Variants in SPPL3 observed in about 807,000 individuals in gnomAD.
SPPL3 encodes the protein signal peptide peptidase like 3.
A neutral mutation model predicts 42.4 loss-of-function variants in SPPL3; 5 were observed. The ratio of observed to expected loss-of-function variants is 0.12; its 90% CI spans 0.06 to 0.25. The LOEUF (loss-of-function observed/expected upper bound fraction) is 0.25. Among genes scored for constraint, SPPL3 ranks in the 10% least tolerant of loss-of-function variants. The pLI is 1.00. For missense variants in SPPL3, 235 were observed against 489.0 expected (o/e 0.48, Z 4.90); for synonymous variants, 195 against 181.8 (o/e 1.07, Z -0.58).
chr12:120,807,847 CATAAAACAGAAG>C (rs1870550790), intron 2 of SPPL3, among the ~76,000 whole-genome samples: 2 of 152,090 alleles, frequency 1.3e-5, no homozygotes, highest in African/African-American at 2.4e-5. Flanking sequence ...AAATCTCTTC[CATAAAACAGAAG>C]AGGAAAAAAC....
intron 1 of SPPL3, among the ~76,000 whole-genome samples, chr12:120,817,003 G>C (rs1047312644): frequency 6.6e-6 from 1 of 151,988 alleles, no homozygotes; most frequent in African/African-American, 2.4e-5. Context: ...AAGGGTCTAG[G>C]TTTTGGCTGG....
intron 1 of SPPL3, among the ~76,000 whole-genome samples, chr12:120,853,861 A>G (rs1872343877): frequency 6.6e-6 from 1 of 152,142 alleles, no homozygotes; most frequent in African/African-American, 2.4e-5. Flanking sequence ...CAGAAAAACT[A>G]CTGAATATAT....
intron 1 of SPPL3, among the ~76,000 whole-genome samples, chr12:120,898,853 T>C (rs1873887799): frequency 6.6e-6 from 1 of 152,222 alleles, no homozygotes; most frequent in African/African-American, 2.4e-5. Flanking sequence ...CAAGTTATTA[T>C]GATAGTATTT....
chr12:120,865,002 T>A (rs1436682236), intron 1 of SPPL3, among the ~76,000 whole-genome samples: 2 of 152,172 alleles, frequency 1.3e-5, no homozygotes, highest in East Asian at 3.8e-4. Context: ...GTACCATCAA[T>A]ACAAATGTTA....
At chr12:120,809,871 T>C (rs534858057) in intron 2 of SPPL3, among the ~76,000 whole-genome samples, 40 of 152,352 alleles carry the variant, frequency 2.6e-4, no homozygotes, top group African/African-American at 8.4e-4. Context: ...CAATTTTGTA[T>C]GGCTCAACCT....
chr12:120,873,406 A>G (rs1872987913), intron 1 of SPPL3, among the ~76,000 whole-genome samples: 1 of 152,214 alleles, frequency 6.6e-6, no homozygotes, highest in Non-Finnish European at 1.5e-5. Context: ...TGCAAATTTC[A>G]TAATATAATG....
intron 1 of SPPL3, among the ~76,000 whole-genome samples, chr12:120,858,534 G>C (rs1291695352): frequency 2.0e-5 from 3 of 150,466 alleles, no homozygotes; most frequent in Admixed American, 2.0e-4. Flanking sequence ...CAACTCAAAA[G>C]GGGTGATAAA....
intron 3 of SPPL3, among the ~76,000 whole-genome samples, chr12:120,788,655 C>G (rs757228439): frequency 6.6e-6 from 1 of 152,224 alleles, no homozygotes; most frequent in African/African-American, 2.4e-5. Flanking sequence ...TACAACTTCT[C>G]CTGCTCTCCT....
At chr12:120,902,090 G>A in intron 1 of SPPL3, 1 of 194,600 alleles carries the variant, frequency 5.1e-6, no homozygotes, top group Non-Finnish European at 9.4e-6. Flanking sequence ...ACTCTGTCCA[G>A]AAGGAAGCTG....
chr12:120,775,687 T>C (rs1034076010), intron 6 of SPPL3, among the ~76,000 whole-genome samples: 1 of 152,346 alleles, frequency 6.6e-6, no homozygotes, highest in Non-Finnish European at 1.5e-5. Flanking sequence ...CCATCACCCA[T>C]AGGTCCAACT....
rs1363690046 is a variant in SPPL3 at position 120,802,409 on chromosome 12, G to GTATATA, written c.101+8399_101+8400insTATATA. Reference sequence around the variant, plus strand: ...TATATACACATATATGTGTGTGTGTGTGTGTGTATATATATATATATATTT... The same window carrying GTATATA: ...TATATACACATATATGTGTGTGTGTGTATATATGTGTGTATATATATATATATATTT... On this transcript the variant is annotated intron_variant, in intron 2 of 10. Transcript: ENST00000353487. Among the ~76,000 whole-genome samples the GTATATA allele has an allele frequency of 7.2e-5, 8 of 111,666 alleles. No homozygotes were observed. In the East Asian group the frequency reaches 7.2e-4, roughly 10 times the overall value. The allele number at this position is 111,666 out of a possible 152,430, so 73.3% of individuals were successfully genotyped here. A position where few individuals can be genotyped will look rare whatever the true frequency, so the allele number is the denominator to read the frequency against.
chr12:120,797,299 C>A (rs1460754791), intron 2 of SPPL3, among the ~76,000 whole-genome samples: 4 of 150,818 alleles, frequency 2.7e-5, no homozygotes, highest in African/African-American at 9.9e-5. Context: ...CTAGCTGCCT[C>A]TAGCCGTCTC....
At chr12:120,768,084 G>C (rs1431816972) in intron 8 of SPPL3, among the ~76,000 whole-genome samples, 1 of 152,192 alleles carries the variant, frequency 6.6e-6, no homozygotes. Context: ...ACTCTAAACA[G>C]TGGAAACAGC....
intron 1 of SPPL3, among the ~76,000 whole-genome samples, chr12:120,894,312 GA>G (rs923094209): frequency 1.3e-5 from 2 of 152,002 alleles, no homozygotes; most frequent in African/African-American, 2.4e-5. Flanking sequence ...CAACAAGACC[GA>G]AACTCCATCT....
chr12:120,775,188 T>C (rs964819910), intron 6 of SPPL3, among the ~76,000 whole-genome samples: 3 of 152,212 alleles, frequency 2.0e-5, no homozygotes, highest in African/African-American at 2.4e-5. Flanking sequence ...TCTCACTCTG[T>C]TGCCCAGGTT....
chr12:120,893,716 T>A (rs999356094), intron 1 of SPPL3, among the ~76,000 whole-genome samples: 1 of 152,174 alleles, frequency 6.6e-6, no homozygotes, highest in Admixed American at 6.5e-5. Context: ...AATTCTCTTA[T>A]GCCTTTTCAT....
At chr12:120,902,615 T>C (rs554585708) in intron 1 of SPPL3, among the ~76,000 whole-genome samples, 5 of 152,278 alleles carry the variant, frequency 3.3e-5, no homozygotes, top group South Asian at 2.1e-4. Flanking sequence ...ACAAAGCAAG[T>C]TGGTGGCAAA....
chr12:120,840,071 G>T (rs493811), intron 1 of SPPL3, among the ~76,000 whole-genome samples: 43,247 of 151,578 alleles, frequency 0.29, 7,588 homozygotes, highest in Non-Finnish European at 0.4. Context: ...ACGAGGTCAG[G>T]AGTTCAAGAC....
rs750890379 is a variant in SPPL3 at position 120,815,812 on chromosome 12, C to T, written c.24-4926G>A. ...TGCGATCTCGGCTCACTGCAACCTCCGCCTCCTGGGTTCAAGCAAAATTCT... is the reference window on the plus strand; with the variant it reads ...TGCGATCTCGGCTCACTGCAACCTCTGCCTCCTGGGTTCAAGCAAAATTCT... On this transcript the variant is annotated intron_variant, in intron 1 of 10. Transcript: ENST00000353487. Among the ~76,000 whole-genome samples, 64 of 152,090 alleles carry T rather than the reference C, an allele frequency of 4.2e-4. No individual in the cohort carries two copies. The Middle Eastern group carries it at 0.014, about 32-fold the overall frequency.
Sources: gnomAD v4.1 joint callset for allele counts (sites outside exome capture counted in the v4.1 genomes callset) on GRCh38, gnomAD v4.1.1 for gene constraint, MANE v1.5 for transcripts, NCBI Gene and HGNC (gene_info 2026-07-23, HGNC 2026-07-21) for gene names.